Variants in SMCO4 observed in about 807,000 individuals in gnomAD.
SMCO4 encodes the protein single-pass membrane protein with coiled-coil domains 4, also known as single-pass membrane and coiled-coil domain-containing protein 4.
A neutral mutation model predicts 3.6 loss-of-function variants in SMCO4; 4 were observed. That is an observed-to-expected ratio of 1.11 (90% CI 0.54 to 2.53). The LOEUF is 2.53. Among genes scored for constraint, SMCO4 ranks in the 30% most tolerant of loss-of-function variants. SMCO4 has a pLI of 0.02. For missense variants in SMCO4, 70 were observed against 80.8 expected (o/e 0.87, Z 0.51); for synonymous variants, 36 against 35.3 (o/e 1.02, Z -0.07).
chr11:93,542,710 G>A (rs1949280814), intron 1 of SMCO4, among the ~76,000 whole-genome samples: 1 of 152,158 alleles, frequency 6.6e-6, no homozygotes, highest in Admixed American at 6.5e-5. Context: ...GGGGGAGGAG[G>A]AAGGCTCTAT....
At position 93,515,534 on chromosome 11, in the gene SMCO4, A is replaced by G. The variant is rs374426657; in HGVS notation, c.-153-16186T>C. 2.2e-4 allele frequency among the ~76,000 whole-genome samples: 34 copies of G among 152,352 alleles called. No individual in the cohort carries two copies. The East Asian group carries it at 4.6e-3, about 21-fold the overall frequency. On this transcript the variant is annotated intron_variant, in intron 1 of 2. Coordinates refer to ENST00000298966, the MANE Select transcript of SMCO4 (RefSeq NM_020179.3). ...GACCCTTGGTTATAAGTAACAAAACAAAACACCTTGGCAAAAGAAAATTTG... is the reference window on the plus strand; with the variant it reads ...GACCCTTGGTTATAAGTAACAAAACGAAACACCTTGGCAAAAGAAAATTTG...
intron 2 of SMCO4, among the ~76,000 whole-genome samples, chr11:93,490,426 T>C (rs968258125): frequency 1.3e-5 from 2 of 152,188 alleles, no homozygotes; most frequent in African/African-American, 2.4e-5. Flanking sequence ...GCAGAAAGAA[T>C]ATAACGGCAG....
At chr11:93,518,278 C>T (rs1949027143) in intron 1 of SMCO4, among the ~76,000 whole-genome samples, 1 of 152,206 alleles carries the variant, frequency 6.6e-6, no homozygotes, top group Non-Finnish European at 1.5e-5. Context: ...TACATCTGTA[C>T]ATCATTCCTT....
At chr11:93,549,623 A>ATTTTT in the SMCO4 span, among the ~76,000 whole-genome samples, 262 of 90,692 alleles carry the variant, frequency 2.9e-3, 8 homozygotes, top group East Asian at 0.12. Flanking sequence ...TAATTTATTT[A>ATTTTT]TTTTTTTTTT....
intron 1 of SMCO4, among the ~76,000 whole-genome samples, chr11:93,518,062 C>T (rs1365998512): frequency 6.6e-6 from 1 of 152,160 alleles, no homozygotes; most frequent in Non-Finnish European, 1.5e-5. Flanking sequence ...TTTTCATCAA[C>T]CCAAAAGAAA....
At chr11:93,488,249 G>A (rs1591304460) in intron 2 of SMCO4, among the ~76,000 whole-genome samples, 1 of 152,208 alleles carries the variant, frequency 6.6e-6, no homozygotes, top group East Asian at 1.9e-4. Flanking sequence ...GCATGTCTGA[G>A]AAGCACGCAG....
chr11:93,514,033 G>T (rs1344453641), intron 1 of SMCO4, among the ~76,000 whole-genome samples: 1 of 152,140 alleles, frequency 6.6e-6, no homozygotes, highest in Non-Finnish European at 1.5e-5. Context: ...TTATTCCCCA[G>T]ACCTCCTTTG....
chr11:93,510,747 G>A (rs1948949358), intron 1 of SMCO4, among the ~76,000 whole-genome samples: 1 of 152,172 alleles, frequency 6.6e-6, no homozygotes, highest in Admixed American at 6.5e-5. Context: ...CTGCCCAACA[G>A]ATGTAAGCCA....
At chr11:93,539,008 G>C (rs1949251263) in intron 1 of SMCO4, among the ~76,000 whole-genome samples, 1 of 152,226 alleles carries the variant, frequency 6.6e-6, no homozygotes, top group Non-Finnish European at 1.5e-5. Context: ...CCAGCTGGAA[G>C]CATGGGCTTT....
chr11:93,512,664 T>C (rs1358889560), intron 1 of SMCO4, among the ~76,000 whole-genome samples: 1 of 152,258 alleles, frequency 6.6e-6, no homozygotes, highest in South Asian at 2.1e-4. Context: ...CAATAGGCTA[T>C]AGACACATTG....
At chr11:93,525,169 A>T (rs571387270) in intron 1 of SMCO4, among the ~76,000 whole-genome samples, 1 of 152,194 alleles carries the variant, frequency 6.6e-6, no homozygotes, top group Non-Finnish European at 1.5e-5. Context: ...TCCTGAGACC[A>T]CTGTGCTATG....
chr11:93,489,958 C>T (rs538203155), intron 2 of SMCO4, among the ~76,000 whole-genome samples: 1 of 152,238 alleles, frequency 6.6e-6, no homozygotes, highest in Non-Finnish European at 1.5e-5. Context: ...TGTGAGAATA[C>T]TTCCAGGCTC....
At chr11:93,524,623 G>A (rs1949088761) in intron 1 of SMCO4, among the ~76,000 whole-genome samples, 1 of 152,056 alleles carries the variant, frequency 6.6e-6, no homozygotes, top group African/African-American at 2.4e-5. Context: ...CCAGGCCCCT[G>A]GAAGTAGCTT....
intron 1 of SMCO4, among the ~76,000 whole-genome samples, chr11:93,527,114 C>A (rs1422180287): frequency 6.6e-6 from 1 of 152,244 alleles, no homozygotes; most frequent in Admixed American, 6.5e-5. Flanking sequence ...CTAAATCGGG[C>A]TGACCACCAC....
At chr11:93,508,710 G>T (rs1026597273) in intron 1 of SMCO4, among the ~76,000 whole-genome samples, 1 of 152,164 alleles carries the variant, frequency 6.6e-6, no homozygotes, top group Non-Finnish European at 1.5e-5. Context: ...AGTAAAGAGG[G>T]AAAATGAATG....
chr11:93,511,819 G>A (rs1388682585), intron 1 of SMCO4, among the ~76,000 whole-genome samples: 2 of 152,146 alleles, frequency 1.3e-5, no homozygotes, highest in East Asian at 3.9e-4. Flanking sequence ...TTAACAATGT[G>A]GTCTGAAAGT....
intron 1 of SMCO4, among the ~76,000 whole-genome samples, chr11:93,530,034 T>C (rs1174353393): frequency 1.3e-5 from 2 of 152,254 alleles, no homozygotes; most frequent in African/African-American, 4.8e-5. Context: ...TGTGGCCTGC[T>C]GACCAGGAGA....
At chr11:93,542,657 G>C (rs1949280348) in intron 1 of SMCO4, among the ~76,000 whole-genome samples, 1 of 152,084 alleles carries the variant, frequency 6.6e-6, no homozygotes, top group Admixed American at 6.5e-5. Flanking sequence ...GGCGTACCCA[G>C]CTCGGAGCCT....
intron 2 of SMCO4, among the ~76,000 whole-genome samples, chr11:93,494,268 T>C (rs1948750887): frequency 6.6e-6 from 1 of 152,182 alleles, no homozygotes; most frequent in Admixed American, 6.5e-5. Flanking sequence ...GCATCTAAAT[T>C]TCATACCTGT....
Sources: allele counts gnomAD v4.1 joint callset (sites outside exome capture counted in the v4.1 genomes callset), GRCh38; gene constraint gnomAD v4.1.1; transcripts MANE v1.5; gene names NCBI Gene and HGNC (gene_info 2026-07-23, HGNC 2026-07-21).